The following SPINK9 variants were observed in gnomAD, a reference collection of about 807,000 sequenced individuals.
The protein encoded by SPINK9 is serine protease inhibitor Kazal-type 9.
A neutral mutation model predicts 10.8 loss-of-function variants in SPINK9; 3 were observed. That is an observed-to-expected ratio of 0.28 (90% CI 0.13 to 0.72). The LOEUF is 0.72. SPINK9 is among the 30% of genes least tolerant of loss of function. The probability of loss-of-function intolerance (pLI) is 0.74; values close to 1 mark genes in which losing one functional copy is unlikely to be tolerated. For missense variants in SPINK9, 101 were observed against 103.2 expected, an observed-to-expected ratio of 0.98 and a Z score of 0.09; for synonymous variants, 30 against 31.2, an observed-to-expected ratio of 0.96 and a Z score of 0.12.
At chr5:148,334,150 A>G (rs1350904887), upstream of SPINK9, among the ~76,000 whole-genome samples, 1 of 152,112 alleles carries the variant, frequency 6.6e-6, no homozygotes, top group Non-Finnish European at 1.5e-5. Flanking sequence ...CTTGATAAAA[A>G]GACCTAATAG....
At chr5:148,332,056 T>C (rs558520590), upstream of SPINK9, among the ~76,000 whole-genome samples, 6 of 152,348 alleles carry the variant, frequency 3.9e-5, no homozygotes, top group African/African-American at 1.2e-4. Context: ...AAAATTTGAA[T>C]GTGGCCTTAA....
At chr5:148,325,098 C>T (rs907275801) in intron 2 of SPINK9, among the ~76,000 whole-genome samples, 3 of 152,086 alleles carry the variant, frequency 2.0e-5, no homozygotes, top group Non-Finnish European at 4.4e-5. Context: ...CATGTTGTGG[C>T]ATGTATCAGT....
chr5:148,321,742 T>A (rs1289956050), intron 1 of SPINK9, among the ~76,000 whole-genome samples: 4 of 152,198 alleles, frequency 2.6e-5, no homozygotes, highest in Non-Finnish European at 4.4e-5. Context: ...AAAGCATCAA[T>A]GAAGCTGAGA....
In SPINK9 at chr5:148,338,490, CATT is replaced by C. The variant is rs1460511584; in HGVS notation, c.103_105del (p.Tyr35del). 1.4e-5 allele frequency: 23 copies of C among 1,600,684 alleles called. No homozygotes were observed. The highest frequency in any genetic ancestry group is 1.9e-5 in the Non-Finnish European group (22 of 1,175,414). Reference sequence around the variant, plus strand: ...TATGTTTTTTCAGGTTGACTGCAGTCATTATAAAAAGTTACCACCAGGACAACA... The same window carrying C: ...TATGTTTTTTCAGGTTGACTGCAGTCATAAAAAGTTACCACCAGGACAACA... On this transcript the variant is annotated inframe_deletion, in exon 3 of 4. Coordinates refer to ENST00000377906, the MANE Select transcript of SPINK9 (RefSeq NM_001040433.2).
rs1347400671 is a variant in SPINK9 at position 148,335,626 on chromosome 5, G to T, written c.13G>T (p.Ala5Ser). 1 of 1,613,576 alleles carries T rather than the reference G, an allele frequency of 6.2e-7. No individual in the cohort carries two copies. The highest frequency in any genetic ancestry group is 8.5e-7 in the Non-Finnish European group (1 of 1,179,820). Residue 5 changes from alanine (A) to serine (S), a missense_variant, in exon 1 of 4, where the codon GCC becomes TCC. Ala to Ser is a moderately conservative substitution (Grantham distance 99). Coordinates refer to ENST00000377906, the MANE Select transcript of SPINK9 (RefSeq NM_001040433.2). MRAT[A>S]IVLLLALTLA... ...CCACTTCAGTACTATGAGAGCAACA[G>T]CCATAGTCCTACTCTTGGCTCTGAC...
chr5:148,325,832 G>GT (rs1228902013), intron 2 of SPINK9, among the ~76,000 whole-genome samples: 4 of 151,966 alleles, frequency 2.6e-5, no homozygotes, highest in Admixed American at 2.0e-4. Context: ...TACACTTTGG[G>GT]TTTTTTCTAA....
chr5:148,329,863 T>C (rs1253853575), intron 2 of SPINK9, among the ~76,000 whole-genome samples: 1 of 152,230 alleles, frequency 6.6e-6, no homozygotes, highest in Non-Finnish European at 1.5e-5. Context: ...CACTGTGGTC[T>C]GAGAGACAGT....
intron 2 of SPINK9, among the ~76,000 whole-genome samples, chr5:148,325,603 C>T (rs1281755427): frequency 6.6e-6 from 1 of 151,964 alleles, no homozygotes; most frequent in Non-Finnish European, 1.5e-5. Flanking sequence ...CATTTTTAAT[C>T]AGATTTATTA....
chr5:148,331,858 T>C (rs760233928), upstream of SPINK9, among the ~76,000 whole-genome samples: 1 of 152,252 alleles, frequency 6.6e-6, no homozygotes, highest in Non-Finnish European at 1.5e-5. Context: ...TTGATTACTA[T>C]AGCTTTGTAG....
chr5:148,324,961 G>A lies in SPINK9; in HGVS notation c.118+1093G>A, dbSNP rs933766098. Among the ~76,000 whole-genome samples the A allele has an allele frequency of 2.6e-5, 4 of 151,874 alleles. No homozygotes were observed. The South Asian group carries it at 8.3e-4, about 32-fold the overall frequency. On this transcript the variant is annotated intron_variant, in intron 2 of 4. Transcript: ENST00000511717. ...CCCCCCTACTATCCTCCCAACCCCTGGGAATCACTAATCTAATTTCTGTCT... is the reference window on the plus strand; with the variant it reads ...CCCCCCTACTATCCTCCCAACCCCTAGGAATCACTAATCTAATTTCTGTCT...
Position 148,330,102 on chromosome 5 carries a change from G to T in SPINK9, c.118+6234G>T, listed in dbSNP as rs541039367. Among the ~76,000 whole-genome samples the T allele has an allele frequency of 1.2e-4, 18 of 152,210 alleles. No individual in the cohort carries two copies. In the South Asian group the frequency reaches 3.7e-3, roughly 32 times the overall value. ...GTTGATCTGTCTAATGTTGACAGTGGGGTGTTAAAGTCTCCCATTATTATT... is the reference window on the plus strand; with the variant it reads ...GTTGATCTGTCTAATGTTGACAGTGTGGTGTTAAAGTCTCCCATTATTATT... On this transcript the variant is annotated intron_variant, in intron 2 of 4. Coordinates refer to the SPINK9 transcript ENST00000511717.
rs900634345 is a variant in SPINK9 at position 148,321,628 on chromosome 5, A to G, written c.-73+228A>G. ...TTATGCCACCCTGATTTTCAACATCAGTATGGTATCATTGACTTAAAATCT... is the reference window on the plus strand; with the variant it reads ...TTATGCCACCCTGATTTTCAACATCGGTATGGTATCATTGACTTAAAATCT... On this transcript the variant is annotated intron_variant, in intron 1 of 4. Coordinates refer to the SPINK9 transcript ENST00000511717. Among the ~76,000 whole-genome samples the G allele has an allele frequency of 3.2e-4, 48 of 152,248 alleles. 1 individual carries two copies. Among genetic ancestry groups the G allele is most frequent in the African/African-American group, 1.1e-3 (44 of 41,564 alleles).
rs143124873 is a variant in SPINK9, at chr5:148,337,640, A to G, written c.88-838A>G. On this transcript the variant is annotated intron_variant, in intron 2 of 3. Transcript: ENST00000377906. ...AAAAATTGTGCCTATTATTCATTCAATATTTTCCATGCAATGTAGTGCTAA... is the reference window on the plus strand; with the variant it reads ...AAAAATTGTGCCTATTATTCATTCAGTATTTTCCATGCAATGTAGTGCTAA... Among the ~76,000 whole-genome samples, 763 of 152,250 alleles carry G rather than the reference A, an allele frequency of 5.0e-3. 5 individuals are homozygous for G. Among genetic ancestry groups the G allele is most frequent in the African/African-American group, 0.018 (729 of 41,542 alleles).
intron 2 of SPINK9, among the ~76,000 whole-genome samples, chr5:148,327,699 G>C (rs1221501811): frequency 7.3e-5 from 11 of 151,254 alleles, no homozygotes; most frequent in African/African-American, 2.7e-4. Flanking sequence ...GTAAGGAAGG[G>C]ATCCAGTTTC....
At chr5:148,321,700 T>G (rs2113407114) in intron 1 of SPINK9, among the ~76,000 whole-genome samples, 1 of 152,326 alleles carries the variant, frequency 6.6e-6, no homozygotes, top group Non-Finnish European at 1.5e-5. Flanking sequence ...ATGTCTAACA[T>G]ATGACCTGTA....
intron 2 of SPINK9, among the ~76,000 whole-genome samples, chr5:148,329,686 G>C (rs1757120913): frequency 6.6e-6 from 1 of 152,050 alleles, no homozygotes; most frequent in Admixed American, 6.6e-5. Flanking sequence ...ATGTGTCCCA[G>C]AGATTCTGGT....
upstream of SPINK9, among the ~76,000 whole-genome samples, chr5:148,331,187 G>C (rs1352964570): frequency 1.3e-5 from 2 of 152,332 alleles, no homozygotes; most frequent in Non-Finnish European, 2.9e-5. Context: ...ACTCATGCTG[G>C]TAGATGTAGA....
chr5:148,330,216 T>C (rs145754921), intron 2 of SPINK9, among the ~76,000 whole-genome samples: 2,604 of 152,312 alleles, frequency 0.017, 70 homozygotes, highest in East Asian at 0.068. Context: ...TTATTTAGGA[T>C]AGTTAGTTCT....
At chr5:148,330,043 C>G (rs1757125674) in intron 2 of SPINK9, among the ~76,000 whole-genome samples, 2 of 152,100 alleles carry the variant, frequency 1.3e-5, no homozygotes, top group African/African-American at 4.8e-5. Flanking sequence ...GAGCTGAGTT[C>G]AATTCCTGGA....
Sources: allele counts gnomAD v4.1 joint callset (sites outside exome capture counted in the v4.1 genomes callset), GRCh38; gene constraint gnomAD v4.1.1; transcripts MANE v1.5; gene names NCBI Gene and HGNC (gene_info 2026-07-23, HGNC 2026-07-21).